Variants in GRIN2A observed in about 807,000 individuals in gnomAD.
GRIN2A encodes the protein glutamate receptor ionotropic, NMDA 2A.
GRIN2A carries 22 observed loss-of-function variants against 113.4 expected under a neutral mutation model. The ratio of observed to expected loss-of-function variants is 0.19; its 90% CI spans 0.14 to 0.28. The LOEUF (loss-of-function observed/expected upper bound fraction) is 0.28, where lower values mean the gene tolerates loss of function less well. Among genes scored for constraint, GRIN2A ranks in the 10% least tolerant of loss-of-function variants. The pLI is 1.00. For synonymous variants in GRIN2A, 827 were observed against 738.4 expected (o/e 1.12, Z -1.94); for missense variants, 1,502 against 1,887.0 (o/e 0.80, Z 3.78).
At chr16:10,043,611 C>G (rs76716732) in intron 2 of GRIN2A, among the ~76,000 whole-genome samples, 3,261 of 152,202 alleles carry the variant, frequency 0.021, 58 homozygotes, top group South Asian at 0.062. Context: ...GCTTCTGCAA[C>G]CATTCTAGCC....
chr16:9,848,125 TA>T (rs1307366150), intron 5 of GRIN2A, among the ~76,000 whole-genome samples: 3 of 147,860 alleles, frequency 2.0e-5, no homozygotes, highest in Non-Finnish European at 3.0e-5. Flanking sequence ...AGTTTATATA[TA>T]AAAATAGTTT....
chr16:9,855,392 C>G (rs1361632023), intron 4 of GRIN2A, among the ~76,000 whole-genome samples: 1 of 152,212 alleles, frequency 6.6e-6, no homozygotes, highest in Admixed American at 6.5e-5. Flanking sequence ...GAACTATTAT[C>G]ATTAATTCAA....
In GRIN2A at chr16:9,840,753, A is replaced by G. The variant is rs770012004; in HGVS notation, c.1545T>C (p.Asn515=). Residue 515 remains asparagine, a synonymous_variant, in exon 7 of 13, where the codon AAT becomes AAC. Transcript: ENST00000330684. ...AVMAVGSLTI[N]EERSEVVDFS... ...AGTCCACCACTTCAGAACGTTCCTC[A>G]TTGATGGTGAGCGAGCCAACTGCCA... is the stretch of plus-strand genomic sequence containing the variant. The G allele has an allele frequency of 1.2e-6, 2 of 1,604,640 alleles. No individual in the cohort carries two copies. Among genetic ancestry groups the G allele is most frequent in the Admixed American group, 1.7e-5 (1 of 58,498 alleles).
chr16:10,019,921 T>C (rs924729146), intron 2 of GRIN2A, among the ~76,000 whole-genome samples: 15 of 152,306 alleles, frequency 9.8e-5, no homozygotes, highest in Admixed American at 5.9e-4. Context: ...TAGATCTTAA[T>C]TATACTCACA....
chr16:10,085,226 G>A (rs965463270), intron 2 of GRIN2A, among the ~76,000 whole-genome samples: 6 of 152,100 alleles, frequency 3.9e-5, no homozygotes, highest in Admixed American at 6.5e-5. Context: ...TGACCATCTC[G>A]CAGGCTGGGG....
chr16:10,116,220 C>G (rs1197984241), intron 2 of GRIN2A, among the ~76,000 whole-genome samples: 1 of 152,138 alleles, frequency 6.6e-6, no homozygotes, highest in East Asian at 1.9e-4. Context: ...AACACAGGAA[C>G]AGAAAACCAA....
chr16:9,897,937 C>T (rs528057747), intron 3 of GRIN2A, among the ~76,000 whole-genome samples: 6 of 151,904 alleles, frequency 3.9e-5, no homozygotes, highest in Admixed American at 1.3e-4. Context: ...AAAAGAATAA[C>T]TTGCTGCTTC....
intron 3 of GRIN2A, among the ~76,000 whole-genome samples, chr16:9,894,879 A>G (rs1422618617): frequency 6.6e-6 from 1 of 152,138 alleles, no homozygotes; most frequent in East Asian, 1.9e-4. Flanking sequence ...TCATTCATCT[A>G]TCCATCAATC....
At chr16:10,048,994 G>A (rs1013902302) in intron 2 of GRIN2A, among the ~76,000 whole-genome samples, 5 of 152,174 alleles carry the variant, frequency 3.3e-5, no homozygotes, top group African/African-American at 1.2e-4. Flanking sequence ...GAAACTTGCT[G>A]TCTCTATTCT....
At chr16:10,133,214 G>A (rs890563499) in intron 2 of GRIN2A, among the ~76,000 whole-genome samples, 1 of 152,210 alleles carries the variant, frequency 6.6e-6, no homozygotes, top group Non-Finnish European at 1.5e-5. Context: ...ATCTTTGAGA[G>A]GTCGTAGTTC....
intron 10 of GRIN2A, among the ~76,000 whole-genome samples, chr16:9,815,551 A>C (rs1048830544): frequency 6.6e-6 from 1 of 152,188 alleles, no homozygotes. Flanking sequence ...ATCATTAGGG[A>C]AATGCAAATC....
At chr16:9,903,137 T>C (rs1012040945) in intron 3 of GRIN2A, among the ~76,000 whole-genome samples, 1 of 151,764 alleles carries the variant, frequency 6.6e-6, no homozygotes, top group Admixed American at 6.6e-5. Context: ...CCCAGCTAAT[T>C]TTTTTGTATT....
intron 2 of GRIN2A, among the ~76,000 whole-genome samples, chr16:10,035,722 AT>A (rs574342443): frequency 0.017 from 2,425 of 140,808 alleles, 27 homozygotes; most frequent in African/African-American, 0.03. Flanking sequence ...TGGATGATCG[AT>A]TTTTTTTTTT....
intron 3 of GRIN2A, among the ~76,000 whole-genome samples, chr16:9,929,981 T>C (rs1025734858): frequency 3.3e-5 from 5 of 152,274 alleles, no homozygotes; most frequent in East Asian, 1.9e-4. Context: ...GAGCTATTCA[T>C]TGGGTGCCAA....
rs146561923 is a variant in GRIN2A at position 10,163,562 on chromosome 16, G to A, written c.414+16436C>T. Among the ~76,000 whole-genome samples, 1,027 of 152,178 alleles carry A rather than the reference G, an allele frequency of 6.7e-3. 55 individuals carry two copies. In the East Asian group the frequency reaches 0.14, roughly 20 times the overall value. On this transcript the variant is annotated intron_variant, in intron 2 of 12. Coordinates refer to ENST00000330684, the MANE Select transcript of GRIN2A (RefSeq NM_001134407.3). ...GTTATTTAAAGGCTGAAATGCTTCC[G>A]TTTTGCTTGTGAATAGCCACATCTT...
intron 1 of GRIN2A, among the ~76,000 whole-genome samples, chr16:10,181,206 C>G (rs932856473): frequency 1.1e-4 from 4 of 37,148 alleles, no homozygotes; most frequent in Non-Finnish European, 2.6e-4. Context: ...CGTGCACACA[C>G]ACACGCACAC....
chr16:10,079,193 G>A (rs116579161), intron 2 of GRIN2A, among the ~76,000 whole-genome samples: 74 of 152,284 alleles, frequency 4.9e-4, no homozygotes, highest in African/African-American at 1.5e-3. Flanking sequence ...TTTCTAGTAG[G>A]GACTGGAGGA....
At chr16:9,882,710 C>T (rs951791276) in intron 4 of GRIN2A, among the ~76,000 whole-genome samples, 3 of 152,054 alleles carry the variant, frequency 2.0e-5, no homozygotes, top group South Asian at 4.2e-4. Context: ...CCCCTTAAGC[C>T]CAGGAATTTG....
chr16:9,915,773 T>C (rs750604797), intron 3 of GRIN2A, among the ~76,000 whole-genome samples: 1 of 152,228 alleles, frequency 6.6e-6, no homozygotes, highest in Non-Finnish European at 1.5e-5. Flanking sequence ...ATAAACTAGT[T>C]GTTATTTCAC....
Sources: gnomAD v4.1 joint callset for allele counts (sites outside exome capture counted in the v4.1 genomes callset) on GRCh38, gnomAD v4.1.1 for gene constraint, MANE v1.5 for transcripts, NCBI Gene and HGNC (gene_info 2026-07-23, HGNC 2026-07-21) for gene names.